SLC43A2: variants seen among roughly 807,000 people sequenced by gnomAD.
SLC43A2 encodes large neutral amino acids transporter small subunit 4.
Under a neutral mutation model 63.2 loss-of-function variants are expected in SLC43A2, and 38 were observed. The ratio of observed to expected loss-of-function variants is 0.60; its 90% CI spans 0.46 to 0.79. The LOEUF (loss-of-function observed/expected upper bound fraction) is 0.79, where lower values mean the gene tolerates loss of function less well. Among genes scored for constraint, SLC43A2 ranks in the 30% least tolerant of loss-of-function variants. SLC43A2 has a pLI of 0.00. For missense variants in SLC43A2, 644 were observed against 756.2 expected, an observed-to-expected ratio of 0.85 and a Z score of 1.74; for synonymous variants, 322 against 331.0, an observed-to-expected ratio of 0.97 and a Z score of 0.30.
At chr17:1,619,557 G>A (rs754427250) in intron 2 of SLC43A2, among the ~76,000 whole-genome samples, 4 of 152,174 alleles carry the variant, frequency 2.6e-5, no homozygotes, top group African/African-American at 4.8e-5. Flanking sequence ...CGGGGTCCTC[G>A]AGCCCGTCAG....
intron 4 of SLC43A2, among the ~76,000 whole-genome samples, chr17:1,614,217 C>T (rs1409033527): frequency 1.3e-5 from 2 of 151,712 alleles, no homozygotes; most frequent in African/African-American, 4.8e-5. Context: ...CACTCCAGCC[C>T]GGGCGACAGA....
intron 2 of SLC43A2, among the ~76,000 whole-genome samples, chr17:1,624,985 C>T (rs4790724): frequency 0.99 from 151,302 of 152,214 alleles, 75,216 homozygotes; most frequent in East Asian, 1. Context: ...ACAGAGAAAA[C>T]GAAGAAAGAG....
intron 5 of SLC43A2, among the ~76,000 whole-genome samples, chr17:1,598,070 A>T (rs1905494094): frequency 6.6e-6 from 1 of 152,026 alleles, no homozygotes; most frequent in Non-Finnish European, 1.5e-5. Flanking sequence ...TGTTCTGCTT[A>T]TGCGGAAGGA....
In SLC43A2 at chr17:1,614,927, A is replaced by C. The variant is rs1907454322; in HGVS notation, c.424+52T>G. 13 of 1,592,356 alleles carry C rather than the reference A, an allele frequency of 8.2e-6. No individual in the cohort carries two copies. In the East Asian group the frequency reaches 2.9e-4, roughly 36 times the overall value. On this transcript the variant is annotated intron_variant, in intron 4 of 13. Coordinates refer to ENST00000301335, the MANE Select transcript of SLC43A2 (RefSeq NM_152346.3). The stretch of plus-strand genomic sequence containing the variant: ...GAGCAGGTGGGCCTGGGAGCAGCTC[A>C]GGGCACTCTCTCCCCGGTCCCTGAC...
At chr17:1,591,734 A>AGGGGGGGGGGGGGGT in intron 6 of SLC43A2, 35 bp from the exon 7 acceptor site, 1 of 293,096 alleles carries the variant, frequency 3.4e-6, no homozygotes, top group Non-Finnish European at 6.8e-6. Context: ...TGGGGGGGGG[A>AGGGGGGGGGGGGGGT]GGGGGCAGAG....
intron 11 of SLC43A2, among the ~76,000 whole-genome samples, chr17:1,579,446 G>C (rs1567608434): frequency 6.7e-6 from 1 of 150,274 alleles, no homozygotes; most frequent in Non-Finnish European, 1.5e-5. Flanking sequence ...GGGTGACAGA[G>C]CTAGACTCTG....
At chr17:1,629,014 G>A (rs1243825644), upstream of SLC43A2, 1 of 152,196 alleles carries the variant, frequency 6.6e-6, no homozygotes, top group Non-Finnish European at 1.5e-5. Context: ...AGAGATGGGG[G>A]ACGGGAGGGG....
At chr17:1,576,900 T>C (rs1240595042) in intron 12 of SLC43A2, among the ~76,000 whole-genome samples, 180 bp from the exon 13 acceptor site, 2 of 150,446 alleles carry the variant, frequency 1.3e-5, no homozygotes, top group Admixed American at 1.3e-4. Flanking sequence ...AGTCTTGCAC[T>C]GTCGCCTGGG....
intron 9 of SLC43A2, among the ~76,000 whole-genome samples, chr17:1,588,827 G>A (rs758348032): frequency 5.3e-5 from 8 of 152,190 alleles, no homozygotes; most frequent in Admixed American, 1.3e-4. Context: ...CAGAGTCACC[G>A]GTCAGCGGCA....
rs779234863 is a variant in SLC43A2 at position 1,591,584 on chromosome 17, G to A, written c.710C>T (p.Pro237Leu). 1.2e-5 allele frequency: 18 copies of A among 1,550,132 alleles called. No individual in the cohort carries two copies. The highest frequency in any genetic ancestry group is 8.2e-5 in the African/African-American group (6 of 73,068). ...FNWPLEPFPG[P>L]EDMDYSVKIK... ...TACTTACGAGTAGTCCATGTCCTCCGGCCCCGGGAAGGGCTCAAGGGGCCA... is the reference window on the plus strand; with the variant it reads ...TACTTACGAGTAGTCCATGTCCTCCAGCCCCGGGAAGGGCTCAAGGGGCCA... Residue 237 changes from proline to leucine, a missense_variant, in exon 7 of 14, where the codon CCG becomes CTG. Pro to Leu is a moderately conservative substitution (Grantham distance 98). Transcript: ENST00000301335.
rs1177639745 is a variant in SLC43A2, at chr17:1,573,374, C to G, written c.*2230G>C. ...GCCTCTGCTGGGGGTGATCATGGAG[C>G]CGCACGTGGAGGCTGGTGGCTCTGA... is the stretch of plus-strand genomic sequence containing the variant. On this transcript the variant is annotated 3_prime_UTR_variant, in exon 14 of 14. Transcript: ENST00000301335. 2.6e-5 allele frequency: 4 copies of G among 152,226 alleles called. No individual in the cohort carries two copies. Among genetic ancestry groups the G allele is most frequent in the African/African-American group, 9.7e-5 (4 of 41,428 alleles). 9.4% of individuals were successfully genotyped at this position (152,226 alleles called of 1,614,324 possible).
Position 1,585,922 on chromosome 17 carries a change from T to C in SLC43A2, c.1208A>G (p.Asp403Gly). Reference sequence around the variant, plus strand: ...GGCCCTGCCTACGCACTGGTTGGCGTCTTTCTCCTCGGGCTCCTCGGAGGC... The same window carrying C: ...GGCCCTGCCTACGCACTGGTTGGCGCCTTTCTCCTCGGGCTCCTCGGAGGC... ...EDASEEPEEK[D>G]ANQGEKKKKK... The change falls in exon 10 of 14, where the codon GAC (aspartate) becomes GGC (glycine). Residue 403 changes from aspartate (D) to glycine (G), a missense_variant. Asp to Gly is a moderately conservative substitution (Grantham distance 94, BLOSUM62 -1). Coordinates refer to ENST00000301335, the MANE Select transcript of SLC43A2 (RefSeq NM_152346.3). 6.2e-7 allele frequency: 1 copy of C among 1,613,728 alleles called. No homozygotes were observed. The highest frequency in any genetic ancestry group is 8.5e-7 in the Non-Finnish European group (1 of 1,180,004).
intron 10 of SLC43A2, 86 bp downstream of exon 10, chr17:1,585,827 A>G (rs780616133): frequency 6.2e-7 from 1 of 1,606,632 alleles, no homozygotes; most frequent in South Asian, 1.1e-5. Context: ...CCTCTGTCCC[A>G]CCCACCCTGT....
intron 2 of SLC43A2, among the ~76,000 whole-genome samples, chr17:1,619,110 G>C (rs945133540): frequency 5.9e-5 from 9 of 152,136 alleles, no homozygotes; most frequent in African/African-American, 2.2e-4. Flanking sequence ...TTCAAGACCA[G>C]CCTGGCCAAT....
At position 1,593,254 on chromosome 17, in the gene SLC43A2, C is replaced by A; in HGVS notation, c.527G>T (p.Arg176Leu). 6.2e-7 allele frequency: 1 copy of A among 1,613,886 alleles called. No homozygotes were observed. Among genetic ancestry groups the A allele is most frequent in the Non-Finnish European group, 8.5e-7 (1 of 1,179,948 alleles). ...LTLPNMFGDLRSTFIALMIGS... is the reference protein window; with the variant it reads ...LTLPNMFGDLLSTFIALMIGS... ...AATCATCAAGGCAATAAACGTGGAC[C>A]GAAGGTCGCCGAACATGTTGGGCAG... Residue 176 changes from arginine to leucine, a missense_variant, in exon 6 of 14, where the codon CGG becomes CTG. Coordinates refer to ENST00000301335, the MANE Select transcript of SLC43A2 (RefSeq NM_152346.3). This position sits in a 1 kb window ranked among gnomAD's most constrained non-coding sequence, Gnocchi z 5.3.
Position 1,585,938 on chromosome 17 carries a change from C to A in SLC43A2, c.1192G>T (p.Glu398Ter). ...TGGTTGGCGTCTTTCTCCTCGGGCT[C>A]CTCGGAGGCGTCTTCACACTCCTTC... ...RLKECEDASE[E>*]PEEKDANQGE... is the part of the protein sequence containing the mutation. The change falls in exon 10 of 14, where the codon GAG (glutamate) becomes TAG (stop). Residue 398 changes from glutamate (E) to a stop codon, truncating the protein, a stop_gained. Transcript: ENST00000301335. LOFTEE classifies it high-confidence loss of function. The A allele has an allele frequency of 6.2e-7, 1 of 1,613,728 alleles. No individual in the cohort carries two copies. Among genetic ancestry groups the A allele is most frequent in the Admixed American group, 1.7e-5 (1 of 60,026 alleles).
chr17:1,584,854 G>A (rs1489413628), intron 10 of SLC43A2, among the ~76,000 whole-genome samples: 2 of 151,912 alleles, frequency 1.3e-5, no homozygotes, highest in East Asian at 1.9e-4. Context: ...AGAAAACAGC[G>A]TTTAACTCAT....
chr17:1,582,128 G>A (rs2076027684), intron 11 of SLC43A2, among the ~76,000 whole-genome samples: 1 of 151,520 alleles, frequency 6.6e-6, no homozygotes, highest in Non-Finnish European at 1.5e-5. Context: ...CATCCAGGCT[G>A]GAGTGCAGTG....
Position 1,583,450 on chromosome 17 carries a change from C to G in SLC43A2, c.1218-114G>C. ...GGTAAACTGACGCAAGACTCAGAAG[C>G]CACCCAGGCACGTTTTAGGGACTGT... is the stretch of plus-strand genomic sequence containing the variant. On this transcript the variant is annotated intron_variant, in intron 10 of 13. Transcript: ENST00000301335. This position sits in a 1 kb window ranked among gnomAD's most constrained non-coding sequence, Gnocchi z 5.5. 2 of 1,532,722 alleles carry G rather than the reference C, an allele frequency of 1.3e-6. No individual in the cohort carries two copies. The highest frequency in any genetic ancestry group is 8.8e-7 in the Non-Finnish European group (1 of 1,140,016). 94.9% of individuals were successfully genotyped at this position (1,532,722 alleles called of 1,614,324 possible). A position where few individuals can be genotyped will look rare whatever the true frequency, so the allele number is the denominator to read the frequency against.
Sources: gnomAD v4.1 joint callset for allele counts (sites outside exome capture counted in the v4.1 genomes callset) on GRCh38, gnomAD v4.1.1 for gene constraint, Gnocchi (gnomAD v3.1) non-coding constraint, MANE v1.5 for transcripts, NCBI Gene and HGNC (gene_info 2026-07-23, HGNC 2026-07-21) for gene names.